The following GDAP1 variants were observed in gnomAD, a reference collection of about 807,000 sequenced individuals.
GDAP1 encodes ganglioside induced differentiation associated protein 1, also known as ganglioside-induced differentiation-associated protein 1.
In GDAP1, 34 loss-of-function variants were observed where a neutral mutation model predicts 40.1. The ratio of observed to expected loss-of-function variants is 0.85; its 90% CI spans 0.64 to 1.13. The LOEUF is 1.13. Ranked by LOEUF, GDAP1 falls within the 50% of genes most tolerant of loss-of-function variation. The probability of loss-of-function intolerance (pLI) is 0.00; values close to 1 mark genes in which losing one functional copy is unlikely to be tolerated. For synonymous variants in GDAP1, 170 were observed against 157.4 expected (o/e 1.08, Z -0.60); for missense variants, 374 against 433.7 (o/e 0.86, Z 1.22).
chr8:74,403,021 G>T (rs1463373079), intron 2 of GDAP1, among the ~76,000 whole-genome samples: 1 of 150,004 alleles, frequency 6.7e-6, no homozygotes, highest in African/African-American at 2.5e-5. Context: ...CACCTGGATA[G>T]AAATAGTTCT....
At chr8:74,413,069 A>AAAAAAG (rs1805735474) in intron 2 of GDAP1, among the ~76,000 whole-genome samples, 1 of 145,174 alleles carries the variant, frequency 6.9e-6, no homozygotes, top group Admixed American at 6.7e-5. Context: ...CTGTCTCAAA[A>AAAAAAG]AAAAAAAAAA....
chr8:74,410,437 A>G (rs1040096482), intron 2 of GDAP1, among the ~76,000 whole-genome samples: 4 of 150,204 alleles, frequency 2.7e-5, no homozygotes, highest in Non-Finnish European at 5.9e-5. Context: ...ATTAGACAAG[A>G]CATAATTAAA....
intron 2 of GDAP1, among the ~76,000 whole-genome samples, chr8:74,351,881 G>A (rs1337266304): frequency 6.6e-6 from 1 of 152,194 alleles, no homozygotes; most frequent in African/African-American, 2.4e-5. Flanking sequence ...AAGGAGAATA[G>A]AATGTTAGTA....
At chr8:74,370,077 A>T (rs1056757759), downstream of GDAP1, among the ~76,000 whole-genome samples, 3 of 152,244 alleles carry the variant, frequency 2.0e-5, no homozygotes, top group Non-Finnish European at 4.4e-5. Flanking sequence ...AAACTGCTAA[A>T]GGCCATTTTC....
chr8:74,403,760 C>T (rs1002028902), intron 2 of GDAP1, among the ~76,000 whole-genome samples: 1 of 150,100 alleles, frequency 6.7e-6, no homozygotes, highest in Non-Finnish European at 1.5e-5. Flanking sequence ...TCATTAGAAG[C>T]GTACTGCCTG....
intron 2 of GDAP1, among the ~76,000 whole-genome samples, chr8:74,389,411 A>T (rs2131542176): frequency 6.6e-6 from 1 of 152,072 alleles, no homozygotes; most frequent in East Asian, 1.9e-4. Context: ...TTTGTAAAGG[A>T]TTTTATTTCT....
intron 2 of GDAP1, among the ~76,000 whole-genome samples, chr8:74,391,583 G>A (rs758353564): frequency 7.3e-5 from 11 of 151,688 alleles, no homozygotes; most frequent in East Asian, 3.9e-4. Flanking sequence ...CACCTTCTGC[G>A]TTGATCTCAC....
At chr8:74,413,888 G>C (rs1180181427) in intron 2 of GDAP1, among the ~76,000 whole-genome samples, 1 of 149,802 alleles carries the variant, frequency 6.7e-6, no homozygotes, top group African/African-American at 2.6e-5. Flanking sequence ...AGCAATTTCA[G>C]AGAGGGAGAA....
chr8:74,371,836 CAT>C (rs1184033349), downstream of GDAP1, among the ~76,000 whole-genome samples: 1 of 151,758 alleles, frequency 6.6e-6, no homozygotes, highest in African/African-American at 2.4e-5. Flanking sequence ...AGGTTTGTGA[CAT>C]ATGTATACAT....
chr8:74,408,889 T>A (rs1805673869), intron 2 of GDAP1, among the ~76,000 whole-genome samples: 1 of 150,060 alleles, frequency 6.7e-6, no homozygotes, highest in African/African-American at 2.5e-5. Flanking sequence ...TAGCCCAGGC[T>A]CTAAACAAAG....
At chr8:74,385,242 TAGGTATACA>T (rs1810008879) in intron 2 of GDAP1, among the ~76,000 whole-genome samples, 1 of 152,102 alleles carries the variant, frequency 6.6e-6, no homozygotes, top group Admixed American at 6.5e-5. Context: ...GTTTGTTACA[TAGGTATACA>T]AGTGCCATGG....
chr8:74,479,115 G>A (rs1261913607), intron 2 of GDAP1, among the ~76,000 whole-genome samples: 2 of 152,094 alleles, frequency 1.3e-5, no homozygotes, highest in African/African-American at 2.4e-5. Context: ...GTTAAATGCC[G>A]AAATTTTTTT....
rs961599394 is a variant in GDAP1, at chr8:74,414,130, GA to G, written c.165+62812del. On this transcript the variant is annotated intron_variant, in intron 2 of 2. Transcript: ENST00000523640. ...AATGACATTAGAACCACAACCCCCA[GA>G]AAGTGGATTGACTTTAATCTGATCA... Among the ~76,000 whole-genome samples, 26 of 150,310 alleles carry G rather than the reference GA, an allele frequency of 1.7e-4. 2 individuals carry two copies. Among genetic ancestry groups the G allele is most frequent in the African/African-American group, 6.6e-4 (26 of 39,620 alleles).
At chr8:74,440,604 C>CT in intron 2 of GDAP1, among the ~76,000 whole-genome samples, 1 of 143,714 alleles carries the variant, frequency 7.0e-6, no homozygotes. Flanking sequence ...CTTTAGAAGT[C>CT]TTTTTTTTTT....
At position 74,365,595 on chromosome 8, in the gene GDAP1, A is replaced by G. The variant is rs1242964233; in HGVS notation, c.*1228A>G. 3 of 454,460 alleles carry G rather than the reference A, an allele frequency of 6.6e-6. No individual in the cohort carries two copies. The highest frequency in any genetic ancestry group is 4.7e-5 in the Admixed American group (2 of 42,568). The allele number at this position is 454,460 out of a possible 1,614,324, so 28.2% of individuals were successfully genotyped here. A position where few individuals can be genotyped will look rare whatever the true frequency, so the allele number is the denominator to read the frequency against. ...TGTCTGGTGGGTAGCAGGCATAGAGATGATGTGCCGAGGTCCCAGTGAACA... is the reference window on the plus strand; with the variant it reads ...TGTCTGGTGGGTAGCAGGCATAGAGGTGATGTGCCGAGGTCCCAGTGAACA... On this transcript the variant is annotated 3_prime_UTR_variant, in exon 6 of 6. Coordinates refer to ENST00000220822, the MANE Select transcript of GDAP1 (RefSeq NM_018972.4).
At chr8:74,460,588 C>T (rs1205844599) in intron 2 of GDAP1, among the ~76,000 whole-genome samples, 2 of 152,136 alleles carry the variant, frequency 1.3e-5, no homozygotes, top group Non-Finnish European at 2.9e-5. Context: ...AAATCTAATA[C>T]TGAACAGCAG....
intron 2 of GDAP1, among the ~76,000 whole-genome samples, chr8:74,357,861 A>G (rs1299249839): frequency 6.6e-6 from 1 of 152,130 alleles, no homozygotes; most frequent in East Asian, 1.9e-4. Flanking sequence ...TGATAAAGGT[A>G]CTCTACGGAA....
At chr8:74,438,956 GT>G (rs1284689298) in intron 2 of GDAP1, among the ~76,000 whole-genome samples, 1 of 152,042 alleles carries the variant, frequency 6.6e-6, no homozygotes, top group African/African-American at 2.4e-5. Flanking sequence ...AATCTGGATA[GT>G]ATATACGTTC....
intron 2 of GDAP1, among the ~76,000 whole-genome samples, chr8:74,356,716 A>ATATATTTTTTTTTTTTTT (rs375377157): frequency 9.6e-6 from 1 of 104,362 alleles, no homozygotes; most frequent in African/African-American, 4.1e-5. Context: ...ATATATATAT[A>ATATATTTTTTTTTTTTTT]TTTTTTTTTT....
Sources: allele counts gnomAD v4.1 joint callset (sites outside exome capture counted in the v4.1 genomes callset), GRCh38; gene constraint gnomAD v4.1.1; transcripts MANE v1.5; gene names NCBI Gene and HGNC (gene_info 2026-07-23, HGNC 2026-07-21).